MARCHF1: variants seen among roughly 807,000 people sequenced by gnomAD.
MARCHF1 encodes the protein membrane associated ring-CH-type finger 1, also known as E3 ubiquitin-protein ligase MARCHF1.
MARCHF1 carries 40 observed loss-of-function variants against 54.2 expected under a neutral mutation model. That is an observed-to-expected ratio of 0.74 (90% CI 0.57 to 0.96). The LOEUF is 0.96. MARCHF1 is among the 40% of genes least tolerant of loss of function. The probability of loss-of-function intolerance (pLI) is 0.00; values close to 1 mark genes in which losing one functional copy is unlikely to be tolerated. For missense variants in MARCHF1, 586 were observed against 656.5 expected, an observed-to-expected ratio of 0.89 and a Z score of 1.17; for synonymous variants, 236 against 236.3, an observed-to-expected ratio of 1.00 and a Z score of 0.01.
intron 2 of MARCHF1, among the ~76,000 whole-genome samples, chr4:163,992,683 A>G (rs746021326): frequency 5.3e-5 from 8 of 151,164 alleles, no homozygotes; most frequent in Non-Finnish European, 1.2e-4. Context: ...GAGAGGAAGG[A>G]AACCAGACCC....
intron 8 of MARCHF1, among the ~76,000 whole-genome samples, chr4:163,547,466 T>C (rs891313750): frequency 5.9e-5 from 9 of 152,204 alleles, no homozygotes; most frequent in African/African-American, 1.9e-4. Flanking sequence ...TTTCCTTCAT[T>C]TTCTGCTCTT....
At chr4:164,220,669 A>G (rs1732081339) in intron 1 of MARCHF1, among the ~76,000 whole-genome samples, 1 of 142,226 alleles carries the variant, frequency 7.0e-6, no homozygotes, top group Non-Finnish European at 1.5e-5. Context: ...TATATATGCT[A>G]TATGTATATA....
intron 2 of MARCHF1, among the ~76,000 whole-genome samples, chr4:164,076,047 G>A (rs1315947498): frequency 2.6e-5 from 4 of 152,006 alleles, no homozygotes; most frequent in South Asian, 4.1e-4. Context: ...GTGCTTGGTA[G>A]GTGCTTAAAA....
At chr4:164,035,854 G>A (rs1327626977) in intron 2 of MARCHF1, among the ~76,000 whole-genome samples, 2 of 150,710 alleles carry the variant, frequency 1.3e-5, no homozygotes, top group Admixed American at 1.3e-4. Flanking sequence ...GGGGAGGCGG[G>A]TGGATCACCT....
rs759572886 is a variant in MARCHF1 at position 163,728,217 on chromosome 4, C to CT, written c.112-27355dup. 5.9e-5 allele frequency among the ~76,000 whole-genome samples: 9 copies of CT among 152,196 alleles called. No individual in the cohort carries two copies. The East Asian group carries it at 7.7e-4, about 13-fold the overall frequency. Reference sequence around the variant, plus strand: ...GTTGTGCCACAATTTTTATCACCCCCTTTTTTTATTACTGTCTTGATTGCT... The same window carrying CT: ...GTTGTGCCACAATTTTTATCACCCCCTTTTTTTTATTACTGTCTTGATTGCT... On this transcript the variant is annotated intron_variant, in intron 4 of 9. Coordinates refer to ENST00000514618, the MANE Select transcript of MARCHF1 (RefSeq NM_001394959.1).
In MARCHF1 at chr4:163,632,336, G is replaced by A. The variant is rs62334282; in HGVS notation, c.163-18943C>T. ...TTTCTGCATTTCCATCTGAGGTACC[G>A]GGTTCATCTCACTAGGTAGTGCCAG... On this transcript the variant is annotated intron_variant, in intron 5 of 9. Coordinates refer to ENST00000514618, the MANE Select transcript of MARCHF1 (RefSeq NM_001394959.1). Among the ~76,000 whole-genome samples the A allele has an allele frequency of 6.3e-3, 959 of 152,272 alleles. 12 individuals are homozygous for A. The highest frequency in any genetic ancestry group is 0.051 in the South Asian group (247 of 4,818).
chr4:163,958,378 T>C (rs910012216), intron 3 of MARCHF1, among the ~76,000 whole-genome samples: 4 of 152,150 alleles, frequency 2.6e-5, no homozygotes, highest in African/African-American at 9.6e-5. Context: ...TTATGGACTT[T>C]ATTCATTTCC....
At chr4:164,372,677 T>G (rs1022488125) in intron 1 of MARCHF1, among the ~76,000 whole-genome samples, 87 of 152,164 alleles carry the variant, frequency 5.7e-4, no homozygotes, top group African/African-American at 2.1e-3. Flanking sequence ...TGAATGTTTG[T>G]GTTGTACATG....
intron 1 of MARCHF1, among the ~76,000 whole-genome samples, chr4:164,284,780 C>T (rs1246879918): frequency 6.6e-6 from 1 of 150,974 alleles, no homozygotes; most frequent in Non-Finnish European, 1.5e-5. Context: ...CTTTTTGACA[C>T]ACATTGAGAA....
chr4:164,324,350 CAATTAT>C (rs1735218579), intron 1 of MARCHF1, among the ~76,000 whole-genome samples: 1 of 151,662 alleles, frequency 6.6e-6, no homozygotes, highest in Non-Finnish European at 1.5e-5. Flanking sequence ...AAAACAATTA[CAATTAT>C]AATTGGAAAT....
At chr4:163,569,704 C>T (rs987171133) in intron 8 of MARCHF1, among the ~76,000 whole-genome samples, 1 of 152,102 alleles carries the variant, frequency 6.6e-6, no homozygotes, top group African/African-American at 2.4e-5. Flanking sequence ...AGCTCAAGAT[C>T]TTAATCACTA....
At chr4:164,367,296 A>T (rs1017958633) in intron 1 of MARCHF1, among the ~76,000 whole-genome samples, 4 of 152,134 alleles carry the variant, frequency 2.6e-5, no homozygotes, top group Non-Finnish European at 4.4e-5. Context: ...AGCATACTGA[A>T]ATTGTTACTC....
intron 1 of MARCHF1, among the ~76,000 whole-genome samples, chr4:164,337,568 AT>A (rs1219669656): frequency 6.6e-6 from 1 of 152,222 alleles, no homozygotes; most frequent in Non-Finnish European, 1.5e-5. Flanking sequence ...AAGAGGTCAT[AT>A]TCCTTAGTAA....
intron 1 of MARCHF1, among the ~76,000 whole-genome samples, chr4:164,176,939 GCGCT>G (rs1730679600): frequency 1.1e-4 from 6 of 53,620 alleles, no homozygotes; most frequent in African/African-American, 3.7e-4. Context: ...AGTACCTTGT[GCGCT>G]CTCTCTCTCT....
chr4:164,331,570 C>T (rs1237777331), intron 1 of MARCHF1, among the ~76,000 whole-genome samples: 2 of 152,128 alleles, frequency 1.3e-5, no homozygotes, highest in Non-Finnish European at 2.9e-5. Context: ...GAGTTCACTT[C>T]TTTCTCTTTA....
intron 1 of MARCHF1, among the ~76,000 whole-genome samples, chr4:164,214,920 C>A (rs1398530848): frequency 6.6e-6 from 1 of 152,110 alleles, no homozygotes; most frequent in East Asian, 1.9e-4. Flanking sequence ...GGCTCGCTTC[C>A]TCAGTGCCCC....
chr4:164,003,816 A>G (rs1037721186), intron 2 of MARCHF1, among the ~76,000 whole-genome samples: 5 of 152,166 alleles, frequency 3.3e-5, no homozygotes, highest in African/African-American at 9.6e-5. Context: ...AAATCATTCT[A>G]TTATAAAGAT....
chr4:163,629,622 A>G (rs940906044), intron 5 of MARCHF1, among the ~76,000 whole-genome samples: 2 of 152,198 alleles, frequency 1.3e-5, no homozygotes, highest in African/African-American at 2.4e-5. Context: ...TGAACAGGCA[A>G]CCTACAGAAT....
intron 3 of MARCHF1, among the ~76,000 whole-genome samples, chr4:163,870,938 A>G (rs1750155563): frequency 1.3e-5 from 2 of 152,152 alleles, no homozygotes; most frequent in East Asian, 1.9e-4. Flanking sequence ...GGTGACTATA[A>G]TTAACAATAA....
Sources: allele counts gnomAD v4.1 joint callset (sites outside exome capture counted in the v4.1 genomes callset), GRCh38; gene constraint gnomAD v4.1.1; transcripts MANE v1.5; gene names NCBI Gene and HGNC (gene_info 2026-07-23, HGNC 2026-07-21).